The following ZFHX3 variants were observed in gnomAD, a reference collection of about 807,000 sequenced individuals.
ZFHX3 encodes the protein zinc finger homeobox protein 3.
ZFHX3 carries 42 observed loss-of-function variants against 279.1 expected under a neutral mutation model. The observed-to-expected ratio is 0.15, with a 90% CI of 0.12 to 0.19. The LOEUF is 0.19. Among genes scored for constraint, ZFHX3 ranks in the 10% least tolerant of loss-of-function variants. The pLI, the probability that ZFHX3 is intolerant of heterozygous loss-of-function variation, is 1.00. For missense variants in ZFHX3, 4,981 were observed against 4,754.0 expected (o/e 1.05, Z -1.40); for synonymous variants, 2,293 against 1,957.8 (o/e 1.17, Z -4.52).
chr16:73,120,643 T>G (rs1169814836), intron 7 of ZFHX3, among the ~76,000 whole-genome samples: 1 of 141,016 alleles, frequency 7.1e-6, no homozygotes, highest in African/African-American at 2.6e-5. Flanking sequence ...TGCCCTATCC[T>G]CTCTACCTTT....
chr16:73,215,903 G>A (rs761862399), intron 5 of ZFHX3, among the ~76,000 whole-genome samples: 2 of 152,096 alleles, frequency 1.3e-5, no homozygotes, highest in Non-Finnish European at 2.9e-5. Flanking sequence ...GTGTGTATGT[G>A]TATGCTGGGT....
chr16:73,035,467 G>T (rs1039755337), intron 1 of ZFHX3, among the ~76,000 whole-genome samples: 1 of 152,192 alleles, frequency 6.6e-6, no homozygotes, highest in Admixed American at 6.5e-5. Flanking sequence ...AAGCTACAAT[G>T]TACTGGCTCC....
chr16:73,238,144 C>T (rs1358333652), intron 5 of ZFHX3, among the ~76,000 whole-genome samples: 1 of 152,216 alleles, frequency 6.6e-6, no homozygotes, highest in African/African-American at 2.4e-5. Flanking sequence ...TCTCTAGCTT[C>T]ATGTCAGACT....
chr16:73,881,204 C>A (rs1437424987), intron 1 of ZFHX3, among the ~76,000 whole-genome samples: 1 of 152,086 alleles, frequency 6.6e-6, no homozygotes, highest in Non-Finnish European at 1.5e-5. Flanking sequence ...TTGTGCGGTC[C>A]GCTGATATCT....
chr16:73,111,336 A>C (rs1966370886), intron 7 of ZFHX3, among the ~76,000 whole-genome samples: 1 of 152,212 alleles, frequency 6.6e-6, no homozygotes, highest in Non-Finnish European at 1.5e-5. Flanking sequence ...AAAATAAATA[A>C]ACACACTAAT....
chr16:72,990,664 A>G (rs1403687140), intron 1 of ZFHX3, among the ~76,000 whole-genome samples: 1 of 152,240 alleles, frequency 6.6e-6, no homozygotes, highest in Non-Finnish European at 1.5e-5. Context: ...ATATCAGAGA[A>G]GCACTAAACT....
chr16:73,434,766 G>A (rs2017968374), intron 3 of ZFHX3, among the ~76,000 whole-genome samples: 1 of 152,146 alleles, frequency 6.6e-6, no homozygotes, highest in South Asian at 2.1e-4. Context: ...AATGGTGGAG[G>A]TGAGGAAGGT....
chr16:73,887,467 T>C (rs1042750524), intron 1 of ZFHX3, among the ~76,000 whole-genome samples: 4 of 152,234 alleles, frequency 2.6e-5, no homozygotes, highest in Non-Finnish European at 5.9e-5. Context: ...ACTGGATGTC[T>C]GGTTTATGAT....
chr16:73,800,747 C>A (rs1426907101), intron 1 of ZFHX3, among the ~76,000 whole-genome samples: 1 of 152,150 alleles, frequency 6.6e-6, no homozygotes, highest in African/African-American at 2.4e-5. Context: ...ACTCCATCTG[C>A]CCCTGGGCAC....
chr16:73,412,815 G>A (rs2017497403), intron 3 of ZFHX3, among the ~76,000 whole-genome samples: 1 of 152,170 alleles, frequency 6.6e-6, no homozygotes, highest in African/African-American at 2.4e-5. Flanking sequence ...TTAGTACATT[G>A]GATTCTTCCA....
intron 1 of ZFHX3, among the ~76,000 whole-genome samples, chr16:73,717,198 C>G (rs1204883702): frequency 6.6e-6 from 1 of 152,162 alleles, no homozygotes; most frequent in Non-Finnish European, 1.5e-5. Context: ...AATGCACCTG[C>G]AGATATTGTC....
chr16:73,825,843 C>T (rs1445699986), intron 1 of ZFHX3, among the ~76,000 whole-genome samples: 1 of 91,606 alleles, frequency 1.1e-5, no homozygotes, highest in African/African-American at 5.5e-5. Context: ...TGTGATGCCT[C>T]CAGCTTTGTT....
intron 2 of ZFHX3, among the ~76,000 whole-genome samples, chr16:73,631,230 G>A (rs2052465881): frequency 6.6e-6 from 1 of 152,120 alleles, no homozygotes; most frequent in Non-Finnish European, 1.5e-5. Flanking sequence ...AACTAACATG[G>A]CCCACAATAC....
intron 4 of ZFHX3, among the ~76,000 whole-genome samples, chr16:72,880,478 T>A (rs2038434502): frequency 6.6e-6 from 1 of 152,160 alleles, no homozygotes; most frequent in South Asian, 2.1e-4. Flanking sequence ...CCAGGCTATA[T>A]GAGACCAAGG....
chr16:73,600,248 C>T (rs1409996471), intron 2 of ZFHX3, among the ~76,000 whole-genome samples: 1 of 152,122 alleles, frequency 6.6e-6, no homozygotes, highest in Non-Finnish European at 1.5e-5. Flanking sequence ...AGCATCATCC[C>T]TTTCATCCCT....
intron 2 of ZFHX3, among the ~76,000 whole-genome samples, chr16:73,464,257 G>A (rs1303651319): frequency 1.3e-5 from 2 of 152,038 alleles, no homozygotes; most frequent in Non-Finnish European, 2.9e-5. Context: ...CAGAGAGAGC[G>A]AAATGGACCA....
intron 1 of ZFHX3, among the ~76,000 whole-genome samples, chr16:73,046,483 G>A (rs555461256): frequency 1.0e-3 from 158 of 152,136 alleles, no homozygotes; most frequent in Non-Finnish European, 1.4e-3. Flanking sequence ...CCTGGAACTC[G>A]TGATTTTCAG....
chr16:73,251,547 C>T (rs754346630), intron 5 of ZFHX3, among the ~76,000 whole-genome samples: 10 of 152,140 alleles, frequency 6.6e-5, no homozygotes, highest in Non-Finnish European at 1.3e-4. Context: ...GTCTTAGTCG[C>T]TACACCGTGA....
intron 4 of ZFHX3, among the ~76,000 whole-genome samples, chr16:72,857,949 A>G (rs2037793036): frequency 6.6e-6 from 1 of 152,228 alleles, no homozygotes; most frequent in Non-Finnish European, 1.5e-5. Context: ...TGACAGTGTG[A>G]ACTACCGGAG....
Sources: allele counts gnomAD v4.1 joint callset (sites outside exome capture counted in the v4.1 genomes callset), GRCh38; gene constraint gnomAD v4.1.1; transcripts MANE v1.5; gene names NCBI Gene and HGNC (gene_info 2026-07-23, HGNC 2026-07-21).